Variants in CACHD1 observed in about 807,000 individuals in gnomAD.
The protein encoded by CACHD1 is VWFA and cache domain-containing protein 1.
Under a neutral mutation model 138.7 loss-of-function variants are expected in CACHD1, and 71 were observed. The observed-to-expected ratio is 0.51, with a 90% CI of 0.42 to 0.62. The LOEUF (loss-of-function observed/expected upper bound fraction) is 0.62, where lower values mean the gene tolerates loss of function less well. CACHD1 is among the 20% of genes least tolerant of loss of function. The probability of loss-of-function intolerance (pLI) is 0.00; values close to 1 mark genes in which losing one functional copy is unlikely to be tolerated. For synonymous variants in CACHD1, 578 were observed against 591.5 expected, an observed-to-expected ratio of 0.98 and a Z score of 0.33; for missense variants, 1,389 against 1,625.3, an observed-to-expected ratio of 0.85 and a Z score of 2.50.
At chr1:64,604,648 A>G (rs1647282886) in intron 4 of CACHD1, among the ~76,000 whole-genome samples, 1 of 152,106 alleles carries the variant, frequency 6.6e-6, no homozygotes, top group African/African-American at 2.4e-5. Context: ...ATGGTAACTC[A>G]TGGGTTGTTT....
chr1:64,649,901 T>C (rs1055984403), intron 9 of CACHD1, among the ~76,000 whole-genome samples: 1 of 152,218 alleles, frequency 6.6e-6, no homozygotes, highest in Non-Finnish European at 1.5e-5. Flanking sequence ...GTCTGTCTTT[T>C]CATCTTTGTG....
chr1:64,530,939 T>G (rs1409289881), intron 1 of CACHD1, among the ~76,000 whole-genome samples: 7 of 149,368 alleles, frequency 4.7e-5, no homozygotes, highest in Middle Eastern at 3.4e-3. Context: ...TTTTGTTTTT[T>G]TTTTTTTTAG....
chr1:64,535,510 A>G (rs545319326), intron 1 of CACHD1, among the ~76,000 whole-genome samples: 144 of 152,062 alleles, frequency 9.5e-4, no homozygotes, highest in Non-Finnish European at 1.7e-3. Flanking sequence ...TTTTTAGTAG[A>G]GGCAGAGTTT....
intron 16 of CACHD1, among the ~76,000 whole-genome samples, chr1:64,669,905 G>A (rs940657350): frequency 1.3e-5 from 2 of 152,180 alleles, no homozygotes; most frequent in South Asian, 2.1e-4. Context: ...ATTTTTCACC[G>A]AGGTAGCTGT....
chr1:64,602,915 C>G lies in CACHD1; in HGVS notation c.517+3C>G. On this transcript the variant is annotated splice_donor_region_variant and intron_variant, in intron 4 of 26. Coordinates refer to ENST00000651257, the MANE Select transcript of CACHD1 (RefSeq NM_020925.4). ...TCCAGGACGAGACTTAAATTCAGGT[C>G]AGTAATCCATTGGCTTTATAAAGAT... is the stretch of plus-strand genomic sequence containing the variant. The G allele has an allele frequency of 6.3e-7, 1 of 1,583,318 alleles. No individual in the cohort carries two copies. The highest frequency in any genetic ancestry group is 2.2e-5 in the East Asian group (1 of 44,694).
chr1:64,560,600 C>A (rs1328457456), intron 2 of CACHD1, among the ~76,000 whole-genome samples: 1 of 151,452 alleles, frequency 6.6e-6, no homozygotes. Flanking sequence ...TAATTGAGAC[C>A]TGGGTTTTAT....
At chr1:64,611,882 C>A (rs1647544914) in intron 4 of CACHD1, among the ~76,000 whole-genome samples, 1 of 152,188 alleles carries the variant, frequency 6.6e-6, no homozygotes, top group Non-Finnish European at 1.5e-5. Flanking sequence ...TATACAGATA[C>A]TACATGAGAC....
chr1:64,599,263 A>C (rs926079351), intron 3 of CACHD1, among the ~76,000 whole-genome samples: 1 of 152,236 alleles, frequency 6.6e-6, no homozygotes, highest in Non-Finnish European at 1.5e-5. Flanking sequence ...AGAATCTTAA[A>C]AAAAATCTAT....
rs1433827222 is a variant in CACHD1, at chr1:64,676,001, AATAATAAT to A, written c.2975+20_2975+27del. 1.7e-4 allele frequency: 28 copies of A among 166,256 alleles called. No homozygotes were observed. In the African/African-American group the frequency reaches 1.8e-3, roughly 11 times the overall value. The allele number at this position is 166,256 out of a possible 1,614,324, so 10.3% of individuals were successfully genotyped here. A position where few individuals can be genotyped will look rare whatever the true frequency, so the allele number is the denominator to read the frequency against. ...GAGAACCGGTAAAATAATTAATAAT[AATAATAAT>A]AATAATAATAATAATAATAATAATA... On this transcript the variant is annotated intron_variant, in intron 21 of 26. Transcript: ENST00000651257.
intron 2 of CACHD1, 51 bp downstream of exon 2, chr1:64,550,707 T>C (rs1430074035): frequency 7.9e-7 from 1 of 1,273,718 alleles, no homozygotes; most frequent in African/African-American, 1.5e-5. Flanking sequence ...TGCTTTTAGA[T>C]GTGGCTTCGT....
At chr1:64,684,794 C>CT (rs1052418099) in intron 26 of CACHD1, among the ~76,000 whole-genome samples, 1 of 151,956 alleles carries the variant, frequency 6.6e-6, no homozygotes, top group Non-Finnish European at 1.5e-5. Flanking sequence ...ATAGGTGTAC[C>CT]TTTTTTGTTT....
intron 3 of CACHD1, among the ~76,000 whole-genome samples, chr1:64,590,804 G>C (rs1489952018): frequency 1.3e-5 from 2 of 152,202 alleles, no homozygotes; most frequent in Non-Finnish European, 2.9e-5. Context: ...ATCATAAGCA[G>C]TAAGTTCAGT....
chr1:64,683,662 T>C (rs1226261633), intron 26 of CACHD1, among the ~76,000 whole-genome samples: 1 of 152,216 alleles, frequency 6.6e-6, no homozygotes, highest in African/African-American at 2.4e-5. Flanking sequence ...TTGGTTCCTT[T>C]CATTTTTCTC....
At chr1:64,550,037 A>G (rs899271408) in intron 1 of CACHD1, among the ~76,000 whole-genome samples, 31 of 152,132 alleles carry the variant, frequency 2.0e-4, no homozygotes, top group Admixed American at 2.0e-3. Flanking sequence ...CACAGCTGTC[A>G]TATTTCCTGG....
In CACHD1 at chr1:64,586,352, C is replaced by T. The variant is rs192681998; in HGVS notation, c.410+4048C>T. ...GTGCTGGAATTACAGGCTTGAGCCACACTTGAGCGACTGCACCCAGCTGAC... is the reference window on the plus strand; with the variant it reads ...GTGCTGGAATTACAGGCTTGAGCCATACTTGAGCGACTGCACCCAGCTGAC... On this transcript the variant is annotated intron_variant, in intron 3 of 26. Transcript: ENST00000651257. Among the ~76,000 whole-genome samples, 18 of 152,346 alleles carry T rather than the reference C, an allele frequency of 1.2e-4. No homozygotes were observed. The East Asian group carries it at 3.5e-3, about 29-fold the overall frequency.
At chr1:64,567,422 T>C (rs1646891427) in intron 2 of CACHD1, among the ~76,000 whole-genome samples, 1 of 152,148 alleles carries the variant, frequency 6.6e-6, no homozygotes, top group African/African-American at 2.4e-5. Context: ...ATATAAATCG[T>C]GTTGCATTTT....
At chr1:64,675,702 G>C in intron 20 of CACHD1, 141 bp downstream of exon 20, 1 of 1,082,474 alleles carries the variant, frequency 9.2e-7, no homozygotes, top group Non-Finnish European at 1.3e-6. Context: ...GCCACTTAGA[G>C]CTGTGCCGTT....
intron 1 of CACHD1, among the ~76,000 whole-genome samples, chr1:64,477,212 C>A (rs577095310): frequency 2.6e-5 from 4 of 152,154 alleles, no homozygotes; most frequent in Non-Finnish European, 4.4e-5. Flanking sequence ...GAGAGCAGTT[C>A]ATTTAGTGCC....
chr1:64,577,477 C>T (rs1445994600), intron 2 of CACHD1, among the ~76,000 whole-genome samples: 1 of 152,058 alleles, frequency 6.6e-6, no homozygotes, highest in Non-Finnish European at 1.5e-5. Flanking sequence ...CTCCATATTA[C>T]AAAGAGAAGC....
Sources: allele counts gnomAD v4.1 joint callset (sites outside exome capture counted in the v4.1 genomes callset), GRCh38; gene constraint gnomAD v4.1.1; transcripts MANE v1.5; gene names NCBI Gene and HGNC (gene_info 2026-07-23, HGNC 2026-07-21).